The following LRRC4C variants were observed in gnomAD, a reference collection of about 807,000 sequenced individuals.
LRRC4C encodes leucine rich repeat containing 4C.
In LRRC4C, 5 loss-of-function variants were observed where a neutral mutation model predicts 33.6. That is an observed-to-expected ratio of 0.15 (90% CI 0.08 to 0.31). LRRC4C has a LOEUF of 0.31. LRRC4C is among the 10% of genes least tolerant of loss of function. The probability of loss-of-function intolerance (pLI) is 1.00; values close to 1 mark genes in which losing one functional copy is unlikely to be tolerated. For missense variants in LRRC4C, 560 were observed against 796.7 expected (o/e 0.70, Z 3.58); for synonymous variants, 329 against 302.0 (o/e 1.09, Z -0.93).
chr11:40,270,582 CTCT>C lies in LRRC4C; in HGVS notation c.-175-28987_-175-28985del, dbSNP rs571420940. Reference sequence around the variant, plus strand: ...GGGACAAAATTCTGCCCATAACACTCTCTTCTTCTTTCTTTGAACAGAAAATTA... The same window carrying C: ...GGGACAAAATTCTGCCCATAACACTCTCTTCTTTCTTTGAACAGAAAATTA... On this transcript the variant is annotated intron_variant, in intron 4 of 6. Transcript: ENST00000528697. Among the ~76,000 whole-genome samples the C allele has an allele frequency of 7.1e-3, 1,076 of 152,162 alleles. 5 individuals are homozygous for C. Among genetic ancestry groups the C allele is most frequent in the Non-Finnish European group, 0.012 (809 of 67,994 alleles).
At chr11:41,390,703 C>T (rs565710265) in intron 1 of LRRC4C, among the ~76,000 whole-genome samples, 1 of 151,966 alleles carries the variant, frequency 6.6e-6, no homozygotes, top group South Asian at 2.1e-4. Flanking sequence ...CGCCTGTCTG[C>T]AATCCAGTGT....
intron 1 of LRRC4C, among the ~76,000 whole-genome samples, chr11:41,397,195 G>A (rs1158794588): frequency 6.6e-6 from 1 of 151,890 alleles, no homozygotes; most frequent in Non-Finnish European, 1.5e-5. Context: ...TTTGAACTGT[G>A]CAGGTCCACT....
chr11:40,174,070 G>T (rs112371765), intron 5 of LRRC4C, among the ~76,000 whole-genome samples: 1 of 151,986 alleles, frequency 6.6e-6, no homozygotes, highest in Non-Finnish European at 1.5e-5. Context: ...GAGGAACAAC[G>T]GTATACACAC....
At chr11:40,599,893 C>A (rs1959800447) in intron 3 of LRRC4C, among the ~76,000 whole-genome samples, 1 of 152,108 alleles carries the variant, frequency 6.6e-6, no homozygotes, top group South Asian at 2.1e-4. Flanking sequence ...TGTCAAATAT[C>A]CTCTGGGCAC....
chr11:40,967,737 C>T (rs909889708), intron 1 of LRRC4C, among the ~76,000 whole-genome samples: 2 of 151,754 alleles, frequency 1.3e-5, no homozygotes, highest in African/African-American at 4.8e-5. Context: ...CATTAACCAG[C>T]TGTTATGCCA....
intron 3 of LRRC4C, among the ~76,000 whole-genome samples, chr11:40,374,536 G>A (rs564485234): frequency 4.6e-5 from 7 of 152,186 alleles, no homozygotes; most frequent in Non-Finnish European, 1.0e-4. Flanking sequence ...GCCAGTGTTA[G>A]CAAAAATAAA....
At chr11:40,772,799 T>C (rs1259891652) in intron 2 of LRRC4C, among the ~76,000 whole-genome samples, 1 of 152,116 alleles carries the variant, frequency 6.6e-6, no homozygotes, top group Non-Finnish European at 1.5e-5. Context: ...TGGAGTGTCC[T>C]CAAAAATCTA....
intron 1 of LRRC4C, among the ~76,000 whole-genome samples, chr11:41,179,036 T>C (rs986503311): frequency 3.3e-5 from 5 of 152,132 alleles, no homozygotes; most frequent in Non-Finnish European, 5.9e-5. Context: ...ATAAGTAATT[T>C]GCATGGTCCT....
chr11:41,354,077 A>C (rs1189576596), intron 1 of LRRC4C, among the ~76,000 whole-genome samples: 1 of 152,180 alleles, frequency 6.6e-6, no homozygotes. Context: ...GAGAAGACTA[A>C]GTTAAATTCT....
At chr11:40,365,380 CTA>C (rs1266535844) in intron 3 of LRRC4C, among the ~76,000 whole-genome samples, 3 of 152,052 alleles carry the variant, frequency 2.0e-5, no homozygotes, top group African/African-American at 7.2e-5. Context: ...CTCCTCCTAA[CTA>C]TGCAACCTTA....
chr11:40,174,742 T>A (rs1284926005), intron 5 of LRRC4C, among the ~76,000 whole-genome samples: 1 of 152,198 alleles, frequency 6.6e-6, no homozygotes, highest in Non-Finnish European at 1.5e-5. Context: ...AGTGCAATAG[T>A]AGTAACAATA....
In LRRC4C at chr11:40,254,462, T is replaced by C. The variant is rs78311885; in HGVS notation, c.-175-12864A>G. Reference sequence around the variant, plus strand: ...CTCTGCACATGGTCCATCTTTCATATTGCCCAGTCTAATGAAGACAAAAGA... The same window carrying C: ...CTCTGCACATGGTCCATCTTTCATACTGCCCAGTCTAATGAAGACAAAAGA... On this transcript the variant is annotated intron_variant, in intron 4 of 6. Coordinates refer to ENST00000528697, the MANE Select transcript of LRRC4C (RefSeq NM_001258419.2). Among the ~76,000 whole-genome samples, 1,183 of 152,302 alleles carry C rather than the reference T, an allele frequency of 7.8e-3. 16 individuals carry two copies. The highest frequency in any genetic ancestry group is 0.027 in the African/African-American group (1,132 of 41,572).
chr11:40,511,660 T>C (rs923886759), intron 3 of LRRC4C, among the ~76,000 whole-genome samples: 1 of 152,250 alleles, frequency 6.6e-6, no homozygotes, highest in African/African-American at 2.4e-5. Context: ...CTCTCCAGAC[T>C]CGAAACTGAA....
intron 3 of LRRC4C, among the ~76,000 whole-genome samples, chr11:40,359,217 T>C (rs1947832175): frequency 6.6e-6 from 1 of 152,218 alleles, no homozygotes; most frequent in Non-Finnish European, 1.5e-5. Context: ...GATACCAGTA[T>C]GTGGCCTTCA....
chr11:41,097,442 A>T (rs1356702132), intron 1 of LRRC4C, among the ~76,000 whole-genome samples: 1 of 152,124 alleles, frequency 6.6e-6, no homozygotes, highest in Non-Finnish European at 1.5e-5. Context: ...AACATTAGAC[A>T]TTTGAACACC....
chr11:40,772,095 T>C (rs1949780993), intron 2 of LRRC4C, among the ~76,000 whole-genome samples: 1 of 152,196 alleles, frequency 6.6e-6, no homozygotes, highest in Admixed American at 6.6e-5. Context: ...TATAAAGAAC[T>C]GCCCAAGACC....
chr11:40,140,044 C>T (rs1857254970), intron 6 of LRRC4C, among the ~76,000 whole-genome samples: 1 of 152,056 alleles, frequency 6.6e-6, no homozygotes, highest in African/African-American at 2.4e-5. Flanking sequence ...GTACCAGGGA[C>T]AAGGGAGAGA....
At chr11:41,346,937 C>T (rs148682005) in intron 1 of LRRC4C, among the ~76,000 whole-genome samples, 73 of 152,240 alleles carry the variant, frequency 4.8e-4, no homozygotes, top group African/African-American at 1.7e-3. Flanking sequence ...ATAGTAAATG[C>T]CAGGCAATAT....
intron 1 of LRRC4C, among the ~76,000 whole-genome samples, chr11:41,404,738 T>C (rs946930808): frequency 8.5e-5 from 13 of 152,144 alleles, no homozygotes; most frequent in African/African-American, 2.6e-4. Flanking sequence ...ATACAGGTAC[T>C]TTTCACATTA....
Sources: gnomAD v4.1 joint callset for allele counts (sites outside exome capture counted in the v4.1 genomes callset) on GRCh38, gnomAD v4.1.1 for gene constraint, MANE v1.5 for transcripts, NCBI Gene and HGNC (gene_info 2026-07-23, HGNC 2026-07-21) for gene names.